Variants in ATCAY observed in about 807,000 individuals in gnomAD.
ATCAY encodes the protein ATCAY kinesin light chain interacting caytaxin, also known as caytaxin.
ATCAY carries 22 observed loss-of-function variants against 47.7 expected under a neutral mutation model. The ratio of observed to expected loss-of-function variants is 0.46; its 90% CI spans 0.33 to 0.66. The LOEUF is 0.66. ATCAY is among the 30% of genes least tolerant of loss of function. The pLI, the probability that ATCAY is intolerant of heterozygous loss-of-function variation, is 0.02. For synonymous variants in ATCAY, 216 were observed against 207.6 expected (o/e 1.04, Z -0.35); for missense variants, 452 against 515.0 (o/e 0.88, Z 1.18).
chr19:3,901,404 T>C (rs1037650458), intron 2 of ATCAY, among the ~76,000 whole-genome samples: 2 of 152,188 alleles, frequency 1.3e-5, no homozygotes, highest in Admixed American at 1.3e-4. Context: ...AGCATTGACA[T>C]AGAGATCTCT....
chr19:3,924,436 G>A (rs550148236), intron 12 of ATCAY, 147 bp from the exon 13 acceptor site: 35 of 923,098 alleles, frequency 3.8e-5, no homozygotes, highest in Admixed American at 1.6e-4. Flanking sequence ...GGCAGGAGCC[G>A]GGCCCTGAAG....
At chr19:3,891,649 C>G (rs2038720242) in intron 2 of ATCAY, among the ~76,000 whole-genome samples, 1 of 151,282 alleles carries the variant, frequency 6.6e-6, no homozygotes, top group South Asian at 2.1e-4. Flanking sequence ...GCAGAGAGGG[C>G]AGCATGTGCA....
intron 3 of ATCAY, among the ~76,000 whole-genome samples, chr19:3,903,954 T>C (rs1006982641): frequency 3.0e-5 from 4 of 134,814 alleles, no homozygotes; most frequent in Non-Finnish European, 6.1e-5. Flanking sequence ...CTGGCCAACA[T>C]GGTGAAGCCC....
rs532574434 is a variant in ATCAY at position 3,900,278 on chromosome 19, G to A, written c.78-2209G>A. 1.3e-4 allele frequency among the ~76,000 whole-genome samples: 20 copies of A among 150,162 alleles called. No individual in the cohort carries two copies. In the East Asian group the frequency reaches 2.7e-3, roughly 21 times the overall value. ...GCCATCATACCTCACTGCAGCCTCC[G>A]CCTCCCAGGCTCAAGCAGTCCTCCC... is the stretch of plus-strand genomic sequence containing the variant. On this transcript the variant is annotated intron_variant, in intron 2 of 12. Transcript: ENST00000450849.
chr19:3,889,867 AATC>A (rs1228713824), intron 2 of ATCAY, among the ~76,000 whole-genome samples: 1 of 152,130 alleles, frequency 6.6e-6, no homozygotes, highest in Non-Finnish European at 1.5e-5. Context: ...ACAAATAAAT[AATC>A]ATCTCCAGCG....
At chr19:3,909,128 T>G (rs543382146) in intron 6 of ATCAY, among the ~76,000 whole-genome samples, 1 of 131,844 alleles carries the variant, frequency 7.6e-6, no homozygotes, top group African/African-American at 2.9e-5. Flanking sequence ...TCCCAGCTAC[T>G]AGGGAGGCTG....
chr19:3,895,094 CTTA>C (rs1416339672), intron 2 of ATCAY: 1 of 455,380 alleles, frequency 2.2e-6, no homozygotes, highest in Non-Finnish European at 4.4e-6. Flanking sequence ...CACTTATTTG[CTTA>C]TTGTCTTCCT....
In ATCAY at chr19:3,907,676, G is replaced by A; in HGVS notation, c.359-58G>A. 3.1e-6 allele frequency: 5 copies of A among 1,594,686 alleles called. No homozygotes were observed. The highest frequency in any genetic ancestry group is 4.3e-6 in the Non-Finnish European group (5 of 1,168,060). On this transcript the variant is annotated intron_variant, in intron 4 of 12. Coordinates refer to ENST00000450849, the MANE Select transcript of ATCAY (RefSeq NM_033064.5). The surrounding 1 kb of genome is among the most constrained non-coding windows in gnomAD (Gnocchi z 5.1). ...GGAGAGGGGAAGGAAGGCTGAGCAG[G>A]AGGGCAGGAGATATCCGGACTCTGG...
chr19:3,887,671 A>C (rs957070741), intron 2 of ATCAY, among the ~76,000 whole-genome samples: 2 of 150,174 alleles, frequency 1.3e-5, no homozygotes, highest in Admixed American at 1.3e-4. Context: ...TATTTTTAGT[A>C]GAGACGGGGT....
chr19:3,901,058 C>A (rs8113163), intron 2 of ATCAY, among the ~76,000 whole-genome samples: 1 of 151,772 alleles, frequency 6.6e-6, no homozygotes. Flanking sequence ...CCTGCCACCA[C>A]GCCCCGCTAT....
intron 9 of ATCAY, among the ~76,000 whole-genome samples, chr19:3,915,767 C>T (rs1599146028): frequency 7.0e-6 from 1 of 142,608 alleles, no homozygotes; most frequent in Admixed American, 7.5e-5. Flanking sequence ...GTTGCCCAGG[C>T]TGGTCTCGAA....
At chr19:3,891,894 T>G (rs76792112) in intron 2 of ATCAY, among the ~76,000 whole-genome samples, 3,445 of 152,134 alleles carry the variant, frequency 0.023, 147 homozygotes, top group African/African-American at 0.079. Context: ...GGGGTTTTAT[T>G]TATTTATTTA....
chr19:3,920,810 G>A lies in ATCAY; in HGVS notation c.1106+12G>A, dbSNP rs1337759670. 1 of 1,613,590 alleles carries A rather than the reference G, an allele frequency of 6.2e-7. No individual in the cohort carries two copies. The highest frequency in any genetic ancestry group is 1.1e-5 in the South Asian group (1 of 91,032). The stretch of plus-strand genomic sequence containing the variant: ...GATCAGGAAACAAGGTGGGTGTGAT[G>A]CAGAGTGGTCTTCGTGCTGTTTTCA... On this transcript the variant is annotated intron_variant, in intron 12 of 12. Transcript: ENST00000450849.
At chr19:3,911,634 C>CTA (rs1342912766) in intron 8 of ATCAY, among the ~76,000 whole-genome samples, 14 of 151,694 alleles carry the variant, frequency 9.2e-5, no homozygotes, top group African/African-American at 3.4e-4. Context: ...TATATAGTTA[C>CTA]TATATTAAAC....
chr19:3,928,047 G>C lies in ATCAY; in HGVS notation c.*3455G>C, dbSNP rs1037106355. On this transcript the variant is annotated 3_prime_UTR_variant, in exon 13 of 13. Coordinates refer to ENST00000450849, the MANE Select transcript of ATCAY (RefSeq NM_033064.5). ...ACGTCGTCTCCATGAGCTTTGGGGG[G>C]ACTTTTATGTGGAATAAAGAAACTA... 1 of 152,142 alleles carries C rather than the reference G, an allele frequency of 6.6e-6. No homozygotes were observed. The highest frequency in any genetic ancestry group is 1.9e-4 in the East Asian group (1 of 5,184). The allele number at this position is 152,142 out of a possible 1,614,324, so 9.4% of individuals were successfully genotyped here. A position where few individuals can be genotyped will look rare whatever the true frequency, so the allele number is the denominator to read the frequency against.
chr19:3,886,206 T>C (rs1388401720), intron 2 of ATCAY, among the ~76,000 whole-genome samples: 1 of 152,188 alleles, frequency 6.6e-6, no homozygotes, highest in East Asian at 1.9e-4. Context: ...CCCAGCACTT[T>C]GGGAGGCCGA....
At chr19:3,888,088 C>T (rs1372038606) in intron 2 of ATCAY, among the ~76,000 whole-genome samples, 1 of 147,708 alleles carries the variant, frequency 6.8e-6, no homozygotes, top group African/African-American at 2.5e-5. Context: ...CACTCCAGCC[C>T]GGGTGACAGT....
rs375662408 is a variant in ATCAY, at chr19:3,899,740, G to A, written c.78-2747G>A. 1.2e-4 allele frequency among the ~76,000 whole-genome samples: 18 copies of A among 152,204 alleles called. 1 individual carries two copies. Among genetic ancestry groups the A allele is most frequent in the East Asian group, 7.7e-4 (4 of 5,180 alleles). ...GAATTAAGCTGTAGCCTGGCTTTCC[G>A]GAGTCAGCACGCCCTGCCGCTAGGA... On this transcript the variant is annotated intron_variant, in intron 2 of 12. Coordinates refer to ENST00000450849, the MANE Select transcript of ATCAY (RefSeq NM_033064.5).
At chr19:3,886,236 G>A (rs1318070204) in intron 2 of ATCAY, among the ~76,000 whole-genome samples, 2 of 151,914 alleles carry the variant, frequency 1.3e-5, no homozygotes, top group African/African-American at 2.4e-5. Context: ...ATCACTTGAG[G>A]TCAGGAGTTC....
Sources: allele counts gnomAD v4.1 joint callset (sites outside exome capture counted in the v4.1 genomes callset), GRCh38; gene constraint gnomAD v4.1.1; non-coding constraint Gnocchi (gnomAD v3.1); transcripts MANE v1.5; gene names NCBI Gene and HGNC (gene_info 2026-07-23, HGNC 2026-07-21).